Variants in AGMO observed in about 807,000 individuals in gnomAD.
AGMO encodes the protein alkylglycerol monooxygenase.
AGMO carries 75 observed loss-of-function variants against 60.2 expected under a neutral mutation model. The ratio of observed to expected loss-of-function variants is 1.25; its 90% CI spans 1.03 to 1.51. AGMO has a LOEUF of 1.51. AGMO is among the 40% of genes most tolerant of loss of function. The pLI, the probability that AGMO is intolerant of heterozygous loss-of-function variation, is 0.00. For missense variants in AGMO, 763 were observed against 525.5 expected (o/e 1.45, Z -4.42); for synonymous variants, 261 against 177.1 (o/e 1.47, Z -3.76).
chr7:15,318,532 AGT>A (rs1781010986), intron 12 of AGMO, among the ~76,000 whole-genome samples: 1 of 152,134 alleles, frequency 6.6e-6, no homozygotes, highest in Admixed American at 6.6e-5. Flanking sequence ...ACTCAGACAA[AGT>A]TCACAAGCTA....
At chr7:15,167,336 T>C in the AGMO span, among the ~76,000 whole-genome samples, 2 of 152,168 alleles carry the variant, frequency 1.3e-5, no homozygotes, top group South Asian at 2.1e-4. Context: ...TTATTTAATA[T>C]CTCTAAAATT....
At chr7:15,303,242 G>C (rs1476675068) in intron 12 of AGMO, among the ~76,000 whole-genome samples, 1 of 151,980 alleles carries the variant, frequency 6.6e-6, no homozygotes, top group Non-Finnish European at 1.5e-5. Context: ...TTTCAGAATG[G>C]TACATTCAAA....
At chr7:15,420,903 C>G (rs1180291990) in intron 4 of AGMO, among the ~76,000 whole-genome samples, 2 of 151,992 alleles carry the variant, frequency 1.3e-5, no homozygotes, top group Non-Finnish European at 2.9e-5. Context: ...ATTTTATTGT[C>G]TTGTAGAAGT....
the AGMO span, among the ~76,000 whole-genome samples, chr7:15,129,629 G>A: frequency 0.076 from 11,583 of 151,994 alleles, 555 homozygotes; most frequent in Middle Eastern, 0.18. Flanking sequence ...TACAAACAAA[G>A]TATTAGTGGC....
chr7:15,425,063 T>C (rs1781023877), intron 4 of AGMO, among the ~76,000 whole-genome samples: 1 of 152,218 alleles, frequency 6.6e-6, no homozygotes. Flanking sequence ...AGAATCATAC[T>C]TGATATGTTT....
At chr7:15,513,102 C>A (rs1343390599) in intron 3 of AGMO, among the ~76,000 whole-genome samples, 1 of 152,140 alleles carries the variant, frequency 6.6e-6, no homozygotes, top group Non-Finnish European at 1.5e-5. Flanking sequence ...CTATTGAAAT[C>A]TGCAGTTGAG....
chr7:15,284,977 C>G (rs1438812205), intron 12 of AGMO, among the ~76,000 whole-genome samples: 1 of 151,382 alleles, frequency 6.6e-6, no homozygotes, highest in Admixed American at 6.6e-5. Flanking sequence ...AAAATAAAAA[C>G]CATATGATCA....
intron 5 of AGMO, 88 bp downstream of exon 5, chr7:15,418,470 A>G: frequency 1.3e-6 from 1 of 790,174 alleles, no homozygotes; most frequent in South Asian, 1.6e-5. Flanking sequence ...GATTTTTCTT[A>G]CACAATAAAT....
intron 12 of AGMO, among the ~76,000 whole-genome samples, chr7:15,219,345 T>C (rs1396239812): frequency 6.6e-6 from 1 of 152,130 alleles, no homozygotes; most frequent in African/African-American, 2.4e-5. Flanking sequence ...AGTTGTTCAA[T>C]TAAGTATTTA....
At chr7:15,551,113 A>G (rs926981873) in intron 2 of AGMO, among the ~76,000 whole-genome samples, 1 of 152,194 alleles carries the variant, frequency 6.6e-6, no homozygotes, top group South Asian at 2.1e-4. Flanking sequence ...GACAAAATTC[A>G]ACAATCCTTC....
At chr7:15,136,016 G>A in the AGMO span, among the ~76,000 whole-genome samples, 9 of 37,426 alleles carry the variant, frequency 2.4e-4, no homozygotes, top group South Asian at 2.5e-3. Flanking sequence ...TTTTTGAGAC[G>A]GAGTTTTGCT....
chr7:15,370,079 C>T (rs532726604), intron 10 of AGMO, among the ~76,000 whole-genome samples: 1 of 152,176 alleles, frequency 6.6e-6, no homozygotes, highest in Admixed American at 6.5e-5. Flanking sequence ...CCTTAGTCCC[C>T]AGTGTCTATT....
chr7:15,418,661 A>G lies in AGMO; in HGVS notation c.514-8T>C. 6.7e-7 allele frequency: 1 copy of G among 1,484,872 alleles called. No individual in the cohort carries two copies. Among genetic ancestry groups the G allele is most frequent in the East Asian group, 2.4e-5 (1 of 42,406 alleles). 92.0% of individuals were successfully genotyped at this position (1,484,872 alleles called of 1,614,324 possible). A position where few individuals can be genotyped will look rare whatever the true frequency, so the allele number is the denominator to read the frequency against. ...CAGGGGAGAGTAGAAAATCTGAAAG[A>G]AAAAATTAAAAAAAAATTAATTTGC... On this transcript the variant is annotated splice_polypyrimidine_tract_variant and splice_region_variant and intron_variant, in intron 4 of 12. Transcript: ENST00000342526.
intron 3 of AGMO, among the ~76,000 whole-genome samples, chr7:15,537,219 CA>C (rs1015404917): frequency 2.0e-5 from 3 of 151,992 alleles, no homozygotes; most frequent in African/African-American, 7.2e-5. Flanking sequence ...CCTGGACTTT[CA>C]AAGCATTTTC....
chr7:15,198,251 G>C (rs527979159), downstream of AGMO, among the ~76,000 whole-genome samples: 2,077 of 74,122 alleles, frequency 0.028, 30 homozygotes, highest in Middle Eastern at 0.049. Flanking sequence ...GAGAGAGAGA[G>C]AGAGACAGAG....
At chr7:15,158,052 A>T in the AGMO span, among the ~76,000 whole-genome samples, 1 of 152,158 alleles carries the variant, frequency 6.6e-6, no homozygotes, top group South Asian at 2.1e-4. Flanking sequence ...TAAAAATATT[A>T]AATATTATAT....
chr7:15,119,348 A>ATTG, the AGMO span, among the ~76,000 whole-genome samples: 14 of 150,870 alleles, frequency 9.3e-5, no homozygotes, highest in Non-Finnish European at 1.9e-4. Flanking sequence ...AGCCAATTAA[A>ATTG]CCTCTTTTCT....
At chr7:15,256,456 C>T (rs1361244880) in intron 12 of AGMO, among the ~76,000 whole-genome samples, 1 of 152,190 alleles carries the variant, frequency 6.6e-6, no homozygotes, top group African/African-American at 2.4e-5. Flanking sequence ...CATTCTCCTG[C>T]CTCAGCCTCC....
At chr7:15,552,557 A>G (rs529474778) in intron 2 of AGMO, among the ~76,000 whole-genome samples, 17,414 of 147,888 alleles carry the variant, frequency 0.12, 1,313 homozygotes, top group South Asian at 0.24. Context: ...GCAGCCAAAA[A>G]ACACATGAAA....
Sources: gnomAD v4.1 joint callset for allele counts (sites outside exome capture counted in the v4.1 genomes callset) on GRCh38, gnomAD v4.1.1 for gene constraint, MANE v1.5 for transcripts, NCBI Gene and HGNC (gene_info 2026-07-23, HGNC 2026-07-21) for gene names.